The following CTNNA2 variants were observed in gnomAD, a reference collection of about 807,000 sequenced individuals.
CTNNA2 encodes the protein catenin alpha-2.
In CTNNA2, 42 loss-of-function variants were observed where a neutral mutation model predicts 101.0. The ratio of observed to expected loss-of-function variants is 0.42; its 90% CI spans 0.32 to 0.54. CTNNA2 has a LOEUF of 0.54. Ranked by LOEUF, CTNNA2 falls within the 20% of genes least tolerant of loss-of-function variation. The probability of loss-of-function intolerance (pLI) is 0.14; values close to 1 mark genes in which losing one functional copy is unlikely to be tolerated. For missense variants in CTNNA2, 871 were observed against 1,223.1 expected (o/e 0.71, Z 4.29); for synonymous variants, 450 against 456.4 (o/e 0.99, Z 0.18).
chr2:79,962,351 T>C (rs1213037429), intron 7 of CTNNA2, among the ~76,000 whole-genome samples: 1 of 152,236 alleles, frequency 6.6e-6, no homozygotes, highest in African/African-American at 2.4e-5. Flanking sequence ...GGAGGGCATC[T>C]AATCGTATTA....
chr2:80,062,239 T>C (rs1157080304), intron 7 of CTNNA2, among the ~76,000 whole-genome samples: 6 of 152,260 alleles, frequency 3.9e-5, no homozygotes, highest in African/African-American at 1.4e-4. Flanking sequence ...TTTTCAAATT[T>C]CTCCAATTTT....
intron 1 of CTNNA2, among the ~76,000 whole-genome samples, chr2:79,589,701 T>G (rs1676718865): frequency 8.7e-6 from 1 of 114,958 alleles, no homozygotes; most frequent in African/African-American, 3.4e-5. Flanking sequence ...TGCAGCATTT[T>G]CCAGATCTTT....
intron 7 of CTNNA2, among the ~76,000 whole-genome samples, chr2:80,075,179 T>C (rs919285609): frequency 6.6e-6 from 1 of 152,178 alleles, no homozygotes; most frequent in African/African-American, 2.4e-5. Context: ...ACTTGAAATA[T>C]TTCAGCTTTT....
At chr2:80,614,912 A>C (rs1376310885) in intron 17 of CTNNA2, among the ~76,000 whole-genome samples, 1 of 151,348 alleles carries the variant, frequency 6.6e-6, no homozygotes, top group Admixed American at 6.6e-5. Context: ...AAACACTTGA[A>C]TTTTTCAGTT....
At chr2:80,062,769 T>A (rs898459002) in intron 7 of CTNNA2, among the ~76,000 whole-genome samples, 17 of 148,774 alleles carry the variant, frequency 1.1e-4, no homozygotes, top group Non-Finnish European at 1.6e-4. Flanking sequence ...GCAGTGGCAC[T>A]ATCTCAGCTC....
chr2:80,253,542 C>T (rs964481913), intron 7 of CTNNA2, among the ~76,000 whole-genome samples: 1 of 152,130 alleles, frequency 6.6e-6, no homozygotes, highest in Non-Finnish European at 1.5e-5. Flanking sequence ...AGCTGCATTC[C>T]AATCTACCTG....
intron 2 of CTNNA2, among the ~76,000 whole-genome samples, chr2:79,205,208 G>A (rs1674086080): frequency 6.6e-6 from 1 of 152,118 alleles, no homozygotes; most frequent in Non-Finnish European, 1.5e-5. Context: ...CTACCCTGAA[G>A]ACACCATGCT....
At chr2:79,378,197 C>A (rs1678000454) in intron 4 of CTNNA2, among the ~76,000 whole-genome samples, 1 of 152,014 alleles carries the variant, frequency 6.6e-6, no homozygotes, top group Non-Finnish European at 1.5e-5. Flanking sequence ...AAAAAGTTCC[C>A]ATTTTGTACT....
intron 7 of CTNNA2, among the ~76,000 whole-genome samples, chr2:80,216,114 C>A (rs973099107): frequency 1.6e-4 from 25 of 152,178 alleles, no homozygotes; most frequent in African/African-American, 5.8e-4. Context: ...GTTGGAAAAG[C>A]GCAGTATTAG....
chr2:79,761,455 C>A (rs1573901785), intron 3 of CTNNA2, among the ~76,000 whole-genome samples: 1 of 152,148 alleles, frequency 6.6e-6, no homozygotes, highest in African/African-American at 2.4e-5. Context: ...TCTGCCATTT[C>A]TCTTTGTACT....
rs181458799 is a variant in CTNNA2, at chr2:80,370,041, T to C, written c.1057-23170T>C. 1.1e-4 allele frequency among the ~76,000 whole-genome samples: 17 copies of C among 152,272 alleles called. No individual in the cohort carries two copies. In the East Asian group the frequency reaches 3.3e-3, roughly 29 times the overall value. Reference sequence around the variant, plus strand: ...TAGAAAACTAATTTGGCAACACAGATGCTAAAATATAGGGAAACACTTAAA... The same window carrying C: ...TAGAAAACTAATTTGGCAACACAGACGCTAAAATATAGGGAAACACTTAAA... On this transcript the variant is annotated intron_variant, in intron 7 of 18. Coordinates refer to ENST00000402739, the MANE Select transcript of CTNNA2 (RefSeq NM_001282597.3).
At chr2:79,733,991 A>G (rs1325279375) in intron 2 of CTNNA2, among the ~76,000 whole-genome samples, 1 of 151,884 alleles carries the variant, frequency 6.6e-6, no homozygotes, top group Non-Finnish European at 1.5e-5. Context: ...ATTTGTTTCT[A>G]CTCTTTCTTG....
chr2:79,464,571 A>G (rs868436788), intron 4 of CTNNA2, among the ~76,000 whole-genome samples: 8 of 152,158 alleles, frequency 5.3e-5, no homozygotes, highest in African/African-American at 1.4e-4. Context: ...TGTCTTCCAC[A>G]ATGGTTGAAC....
At chr2:79,969,229 A>G (rs377251402) in intron 7 of CTNNA2, among the ~76,000 whole-genome samples, 3 of 152,242 alleles carry the variant, frequency 2.0e-5, no homozygotes, top group African/African-American at 7.2e-5. Flanking sequence ...GTGAACAAGA[A>G]GAGCACACAT....
intron 9 of CTNNA2, among the ~76,000 whole-genome samples, chr2:80,527,675 G>T (rs768368440): frequency 3.3e-5 from 5 of 152,156 alleles, no homozygotes; most frequent in Non-Finnish European, 5.9e-5. Context: ...CATTGGGAGA[G>T]AGAGGACATC....
At chr2:80,128,826 G>A (rs62140125) in intron 7 of CTNNA2, among the ~76,000 whole-genome samples, 9,936 of 152,102 alleles carry the variant, frequency 0.065, 338 homozygotes, top group South Asian at 0.082. Flanking sequence ...TTTGGGAGTC[G>A]TCACCAGGCC....
intron 18 of CTNNA2, among the ~76,000 whole-genome samples, chr2:80,643,822 C>T (rs573603645): frequency 6.6e-6 from 1 of 152,088 alleles, no homozygotes; most frequent in South Asian, 2.1e-4. Flanking sequence ...GACTCAAGGC[C>T]AGGAAGAACA....
chr2:79,651,457 G>A (rs1464203947), intron 1 of CTNNA2, 95 bp from the exon 2 acceptor site: 7 of 1,179,396 alleles, frequency 5.9e-6, no homozygotes, highest in African/African-American at 1.5e-5. Flanking sequence ...CTTCCAGTAT[G>A]TTCTAAGTTT....
At chr2:79,935,016 AT>A (rs1687682932) in intron 7 of CTNNA2, among the ~76,000 whole-genome samples, 1 of 152,128 alleles carries the variant, frequency 6.6e-6, no homozygotes, top group Non-Finnish European at 1.5e-5. Context: ...AAGTTGGTAT[AT>A]TTTTTTGATG....
Sources: allele counts gnomAD v4.1 joint callset (sites outside exome capture counted in the v4.1 genomes callset), GRCh38; gene constraint gnomAD v4.1.1; transcripts MANE v1.5; gene names NCBI Gene and HGNC (gene_info 2026-07-23, HGNC 2026-07-21).